KIAA1328: variants seen among roughly 807,000 people sequenced by gnomAD.
The protein encoded by KIAA1328 is KIAA1328, also known as protein hinderin.
In KIAA1328, 52 loss-of-function variants were observed where a neutral mutation model predicts 68.1. The ratio of observed to expected loss-of-function variants is 0.76; its 90% CI spans 0.61 to 0.96. The LOEUF is 0.96. Among genes scored for constraint, KIAA1328 ranks in the 40% least tolerant of loss-of-function variants. The probability of loss-of-function intolerance (pLI) is 0.00; values close to 1 mark genes in which losing one functional copy is unlikely to be tolerated. For missense variants in KIAA1328, 641 were observed against 677.6 expected, an observed-to-expected ratio of 0.95 and a Z score of 0.60; for synonymous variants, 232 against 239.4, an observed-to-expected ratio of 0.97 and a Z score of 0.28.
chr18:37,099,491 C>A (rs2057529278), intron 7 of KIAA1328, among the ~76,000 whole-genome samples: 1 of 152,104 alleles, frequency 6.6e-6, no homozygotes, highest in Admixed American at 6.5e-5. Flanking sequence ...TGCTTTACTT[C>A]CAACTATGTG....
At chr18:36,879,442 A>G (rs1370975408) in intron 4 of KIAA1328, among the ~76,000 whole-genome samples, 1 of 151,982 alleles carries the variant, frequency 6.6e-6, no homozygotes, top group Non-Finnish European at 1.5e-5. Flanking sequence ...GAGCTCTCCT[A>G]TATGAGGTGT....
chr18:37,139,637 G>A (rs1487103076), intron 7 of KIAA1328, among the ~76,000 whole-genome samples: 1 of 152,110 alleles, frequency 6.6e-6, no homozygotes, highest in African/African-American at 2.4e-5. Context: ...TGAGATGAGC[G>A]ACTAACTAAA....
rs185882405 is a variant in KIAA1328, at chr18:37,112,591, G to A, written c.1232+45046G>A. 2.1e-3 allele frequency among the ~76,000 whole-genome samples: 318 copies of A among 152,294 alleles called. 7 individuals are homozygous for A. The highest frequency in any genetic ancestry group is 1.2e-3 in the Non-Finnish European group (80 of 68,026). On this transcript the variant is annotated intron_variant, in intron 7 of 9. Coordinates refer to ENST00000280020, the MANE Select transcript of KIAA1328 (RefSeq NM_020776.3). ...AGCTGAAAATTCTAAAAATCAGAGCGCCTCTTCTCCTCCAAAGGAACGCAG... is the reference window on the plus strand; with the variant it reads ...AGCTGAAAATTCTAAAAATCAGAGCACCTCTTCTCCTCCAAAGGAACGCAG...
chr18:36,891,532 T>C (rs984141891), intron 5 of KIAA1328, among the ~76,000 whole-genome samples: 17 of 152,184 alleles, frequency 1.1e-4, no homozygotes, highest in Non-Finnish European at 2.2e-4. Context: ...ATAACTTAGC[T>C]CTCACTTATG....
At chr18:37,179,426 G>A (rs1295894102) in intron 9 of KIAA1328, among the ~76,000 whole-genome samples, 1 of 152,110 alleles carries the variant, frequency 6.6e-6, no homozygotes, top group Non-Finnish European at 1.5e-5. Flanking sequence ...AGTTTAGTTT[G>A]AGTTTTTTTA....
chr18:37,209,416 T>C (rs2060273467), intron 9 of KIAA1328, among the ~76,000 whole-genome samples: 1 of 152,076 alleles, frequency 6.6e-6, no homozygotes, highest in South Asian at 2.1e-4. Context: ...ACCCTACCCT[T>C]ATGGAGCCCA....
In KIAA1328 at chr18:36,913,543, T is replaced by TACACACACACACACACACACACACAC. The variant is rs34096013; in HGVS notation, c.448+27872_448+27897dup. The stretch of plus-strand genomic sequence containing the variant: ...ACACACTTAGAGGAAAGCAACTGCC[T>TACACACACACACACACACACACACAC]ACACACACACACACACACACACACA... On this transcript the variant is annotated intron_variant, in intron 5 of 9. Coordinates refer to ENST00000280020, the MANE Select transcript of KIAA1328 (RefSeq NM_020776.3). 6.1e-5 allele frequency among the ~76,000 whole-genome samples: 8 copies of TACACACACACACACACACACACACAC among 131,406 alleles called. 1 individual carries two copies. The highest frequency in any genetic ancestry group is 2.8e-4 in the South Asian group (1 of 3,626). The allele number at this position is 131,406 out of a possible 152,430, so 86.2% of individuals were successfully genotyped here.
chr18:37,003,207 G>C (rs985963145), intron 6 of KIAA1328, among the ~76,000 whole-genome samples: 8 of 151,844 alleles, frequency 5.3e-5, no homozygotes, highest in Admixed American at 1.3e-4. Flanking sequence ...TGGATTAAAG[G>C]CTTAAATTTA....
chr18:36,839,051 A>G (rs8084682), intron 3 of KIAA1328, among the ~76,000 whole-genome samples: 1,927 of 152,120 alleles, frequency 0.013, 37 homozygotes, highest in African/African-American at 0.044. Context: ...AGTAATTTTT[A>G]AAGTATCTCT....
chr18:37,031,700 A>T (rs1466176251), intron 6 of KIAA1328, among the ~76,000 whole-genome samples: 2 of 151,880 alleles, frequency 1.3e-5, no homozygotes, highest in African/African-American at 4.8e-5. Context: ...TAGTTATATC[A>T]CCTTTTAATT....
At chr18:37,193,422 A>G (rs2059945009) in intron 9 of KIAA1328, among the ~76,000 whole-genome samples, 1 of 152,204 alleles carries the variant, frequency 6.6e-6, no homozygotes. Flanking sequence ...TTTGGGTCAG[A>G]TTTTGTTACC....
intron 9 of KIAA1328, among the ~76,000 whole-genome samples, chr18:37,177,563 A>G (rs113702739): frequency 2.3e-4 from 35 of 152,186 alleles, no homozygotes; most frequent in African/African-American, 8.4e-4. Flanking sequence ...GAATTTTCAG[A>G]ACTGGAACTG....
chr18:37,174,945 A>G (rs2059571772), intron 9 of KIAA1328, among the ~76,000 whole-genome samples: 1 of 152,152 alleles, frequency 6.6e-6, no homozygotes, highest in Non-Finnish European at 1.5e-5. Flanking sequence ...TGCTGGGATT[A>G]CAGGTGTGAG....
chr18:36,946,720 A>G (rs987213441), intron 5 of KIAA1328, among the ~76,000 whole-genome samples: 1 of 152,206 alleles, frequency 6.6e-6, no homozygotes, highest in Non-Finnish European at 1.5e-5. Context: ...TCTTTAAATT[A>G]AATATAATGT....
intron 5 of KIAA1328, among the ~76,000 whole-genome samples, chr18:36,930,212 T>C (rs1195305072): frequency 1.3e-5 from 2 of 152,178 alleles, no homozygotes; most frequent in African/African-American, 4.8e-5. Flanking sequence ...TTTATTCATA[T>C]CTGCCTTTAA....
chr18:37,178,657 A>G (rs899034339), intron 9 of KIAA1328, among the ~76,000 whole-genome samples: 6 of 152,134 alleles, frequency 3.9e-5, no homozygotes, highest in Admixed American at 6.6e-5. Context: ...AGGAGCATCC[A>G]TACTATTTTT....
At chr18:37,097,712 A>G (rs1181351185) in intron 7 of KIAA1328, among the ~76,000 whole-genome samples, 2 of 152,120 alleles carry the variant, frequency 1.3e-5, no homozygotes, top group African/African-American at 4.8e-5. Flanking sequence ...ATGAGCATGG[A>G]ATGTTCTTCC....
At chr18:37,040,714 G>T (rs2055212097) in intron 6 of KIAA1328, among the ~76,000 whole-genome samples, 1 of 151,136 alleles carries the variant, frequency 6.6e-6, no homozygotes, top group Non-Finnish European at 1.5e-5. Flanking sequence ...TCTAAATGCT[G>T]CTTTGGCTGC....
At chr18:36,895,829 A>G (rs2151016073) in intron 5 of KIAA1328, 1 of 455,182 alleles carries the variant, frequency 2.2e-6, no homozygotes, top group Non-Finnish European at 4.4e-6. Context: ...CTGTTGTCCT[A>G]GAAGAAGAGC....
Sources: allele counts gnomAD v4.1 joint callset (sites outside exome capture counted in the v4.1 genomes callset), GRCh38; gene constraint gnomAD v4.1.1; transcripts MANE v1.5; gene names NCBI Gene and HGNC (gene_info 2026-07-23, HGNC 2026-07-21).